G3BP2: variants seen among roughly 807,000 people sequenced by gnomAD.
G3BP2 encodes G3BP stress granule assembly factor 2.
In G3BP2, 11 loss-of-function variants were observed where a neutral mutation model predicts 56.7. The observed-to-expected ratio is 0.19, with a 90% CI of 0.12 to 0.32. The LOEUF is 0.32. Among genes scored for constraint, G3BP2 ranks in the 10% least tolerant of loss-of-function variants. G3BP2 has a pLI of 1.00. For synonymous variants in G3BP2, 165 were observed against 191.6 expected (o/e 0.86, Z 1.15); for missense variants, 340 against 610.9 (o/e 0.56, Z 4.67).
chr4:75,660,875 C>T (rs1437554206), intron 2 of G3BP2, among the ~76,000 whole-genome samples: 1 of 152,152 alleles, frequency 6.6e-6, no homozygotes, highest in Non-Finnish European at 1.5e-5. Context: ...AAATACTACA[C>T]ATAATATAAA....
At chr4:75,685,041 T>G (rs1718526119) in intron 3 of G3BP2, among the ~76,000 whole-genome samples, 1 of 152,092 alleles carries the variant, frequency 6.6e-6, no homozygotes, top group Admixed American at 6.6e-5. Context: ...ATTTACTGAT[T>G]TTGATCTTGT....
chr4:75,646,481 G>A lies in G3BP2; in HGVS notation c.1058-25C>T, dbSNP rs750005401. On this transcript the variant is annotated intron_variant, in intron 10 of 11. Transcript: ENST00000359707. ...CCTGTGAAAATATACATTACATCAA[G>A]GGTTAAATATTTTTAACAGAATACC... 12 of 1,254,792 alleles carry A rather than the reference G, an allele frequency of 9.6e-6. No homozygotes were observed. The East Asian group carries it at 1.8e-4, about 19-fold the overall frequency. The allele number at this position is 1,254,792 out of a possible 1,614,324, so 77.7% of individuals were successfully genotyped here. A position where few individuals can be genotyped will look rare whatever the true frequency, so the allele number is the denominator to read the frequency against.
upstream of G3BP2, among the ~76,000 whole-genome samples, chr4:75,674,539 T>C (rs1733755240): frequency 6.6e-6 from 1 of 151,824 alleles, no homozygotes. Context: ...ACCATCACTT[T>C]AATGAAATCA....
rs931498047 is a variant in G3BP2, at chr4:75,663,803, G to C, written c.-24-1754C>G. 9.5e-4 allele frequency among the ~76,000 whole-genome samples: 5 copies of C among 5,274 alleles called. No homozygotes were observed. The South Asian group carries it at 0.028, about 30-fold the overall frequency. 3.5% of individuals were successfully genotyped at this position (5,274 alleles called of 152,430 possible). On this transcript the variant is annotated intron_variant, in intron 1 of 11. Coordinates refer to ENST00000359707, the MANE Select transcript of G3BP2 (RefSeq NM_203505.3). ...GAACCCGGGAGGCGGAGGTTGCAGT[G>C]AACCAAGATCGCGCCAGTGCACTCC...
intron 1 of G3BP2, among the ~76,000 whole-genome samples, chr4:75,663,909 G>A (rs1470863711): frequency 4.6e-4 from 2 of 4,376 alleles, no homozygotes; most frequent in Non-Finnish European, 1.0e-3. Flanking sequence ...TTTTTGAGAT[G>A]GAGTCTTGCT....
chr4:75,689,755 G>T (rs1178925057), intron 3 of G3BP2, among the ~76,000 whole-genome samples: 1 of 152,098 alleles, frequency 6.6e-6, no homozygotes, highest in Non-Finnish European at 1.5e-5. Flanking sequence ...GAAGGAAATG[G>T]GGCAAATTTA....
chr4:75,672,446 C>CA (rs1429123786), intron 1 of G3BP2: 1 of 152,210 alleles, frequency 6.6e-6, no homozygotes, highest in African/African-American at 2.4e-5. Flanking sequence ...CCCCAAAAGC[C>CA]ATTCCCGAGT....
intron 3 of G3BP2, among the ~76,000 whole-genome samples, chr4:75,680,023 C>T (rs1180152170): frequency 6.6e-6 from 1 of 152,166 alleles, no homozygotes; most frequent in East Asian, 1.9e-4. Context: ...GCAGGAATAT[C>T]CTAGCCCTCA....
chr4:75,652,701 CCTA>C (rs1295443871), intron 8 of G3BP2, among the ~76,000 whole-genome samples: 1 of 152,114 alleles, frequency 6.6e-6, no homozygotes, highest in Non-Finnish European at 1.5e-5. Context: ...AAAGCCCAAC[CCTA>C]CTATGTACAT....
chr4:75,694,470 G>A (rs1376302107), intron 3 of G3BP2, among the ~76,000 whole-genome samples: 8 of 152,244 alleles, frequency 5.3e-5, no homozygotes, highest in African/African-American at 1.9e-4. Flanking sequence ...CGGGCGTGGT[G>A]GCGGGCGCCT....
intron 9 of G3BP2, among the ~76,000 whole-genome samples, chr4:75,648,373 A>G (rs1381995341): frequency 6.7e-6 from 1 of 149,268 alleles, no homozygotes; most frequent in South Asian, 2.1e-4. Context: ...AACAAAAAAA[A>G]AAAACAAAAA....
chr4:75,651,002 T>C (rs1731660800), intron 8 of G3BP2, among the ~76,000 whole-genome samples: 1 of 152,242 alleles, frequency 6.6e-6, no homozygotes, highest in Admixed American at 6.5e-5. Flanking sequence ...GATAATGTTC[T>C]ATGTCTGACA....
intron 1 of G3BP2, among the ~76,000 whole-genome samples, chr4:75,667,299 A>AAAG (rs1436239821): frequency 6.6e-6 from 1 of 151,862 alleles, no homozygotes; most frequent in Non-Finnish European, 1.5e-5. Flanking sequence ...AAAAAAAAAA[A>AAAG]AAAAAAGATA....
intron 1 of G3BP2, among the ~76,000 whole-genome samples, chr4:75,671,304 T>C (rs897211871): frequency 6.6e-6 from 1 of 152,178 alleles, no homozygotes; most frequent in Non-Finnish European, 1.5e-5. Context: ...GAAAGTCTTT[T>C]TAAAGCAATC....
At position 75,643,051 on chromosome 4, in the gene G3BP2, G is replaced by C. The variant is rs1730957333; in HGVS notation, c.*2379C>G. On this transcript the variant is annotated 3_prime_UTR_variant, in exon 12 of 12. Transcript: ENST00000359707. ...AAATCAGCAAATAACAGTAATGGTAGATGAATATTTTTACTCTGTTTCACT... is the reference window on the plus strand; with the variant it reads ...AAATCAGCAAATAACAGTAATGGTACATGAATATTTTTACTCTGTTTCACT... 2 of 152,368 alleles carry C rather than the reference G, an allele frequency of 1.3e-5. No homozygotes were observed. Among genetic ancestry groups the C allele is most frequent in the South Asian group, 2.1e-4 (1 of 4,824 alleles). The allele number at this position is 152,368 out of a possible 1,614,324, so 9.4% of individuals were successfully genotyped here.
chr4:75,722,494 G>A (rs919041565), intron 1 of G3BP2, among the ~76,000 whole-genome samples: 1 of 152,164 alleles, frequency 6.6e-6, no homozygotes, highest in African/African-American at 2.4e-5. Context: ...CTCCGTCTAT[G>A]AGCCTCATTC....
intron 1 of G3BP2, among the ~76,000 whole-genome samples, chr4:75,665,566 C>A (rs1166503216): frequency 6.6e-6 from 1 of 151,798 alleles, no homozygotes; most frequent in African/African-American, 2.4e-5. Context: ...GGCAACAAGG[C>A]AAAACCCCAT....
At chr4:75,718,833 A>G (rs1720029864) in intron 3 of G3BP2, among the ~76,000 whole-genome samples, 1 of 152,150 alleles carries the variant, frequency 6.6e-6, no homozygotes, top group Non-Finnish European at 1.5e-5. Flanking sequence ...CTAGGATACT[A>G]GGACTATAGG....
chr4:75,694,591 G>A (rs544306069), intron 3 of G3BP2, among the ~76,000 whole-genome samples: 10 of 152,150 alleles, frequency 6.6e-5, no homozygotes, highest in Non-Finnish European at 1.3e-4. Context: ...ACGACAGGGC[G>A]AGACTCCGTC....
Sources: allele counts gnomAD v4.1 joint callset (sites outside exome capture counted in the v4.1 genomes callset), GRCh38; gene constraint gnomAD v4.1.1; transcripts MANE v1.5; gene names NCBI Gene and HGNC (gene_info 2026-07-23, HGNC 2026-07-21).